IQGAP1: variants seen among roughly 807,000 people sequenced by gnomAD.
The protein encoded by IQGAP1 is IQ motif containing GTPase activating protein 1.
In IQGAP1, 66 loss-of-function variants were observed where a neutral mutation model predicts 215.6. The observed-to-expected ratio is 0.31, with a 90% confidence interval of 0.25 to 0.38. The LOEUF is 0.38. IQGAP1 is among the 10% of genes least tolerant of loss of function. IQGAP1 has a pLI of 1.00. For missense variants in IQGAP1, 1,712 were observed against 1,997.1 expected (o/e 0.86, Z 2.72); for synonymous variants, 772 against 728.7 (o/e 1.06, Z -0.96).
rs368181848 is a variant in IQGAP1, at chr15:90,388,386, G to A, written c.45G>A (p.Pro15=). ...TTGACGGGCTGGGCGTGGCCCGGCCGCACTATGGCTGTGAGTGCGGGGCTC... is the reference window on the plus strand; with the variant it reads ...TTGACGGGCTGGGCGTGGCCCGGCCACACTATGGCTGTGAGTGCGGGGCTC... ...DEVDGLGVAR[P]HYGSVLDNER... is the part of the protein sequence containing the mutation. The change falls in exon 1 of 38, where the codon CCG becomes CCA. Residue 15 remains proline (P), a synonymous_variant. Coordinates refer to ENST00000268182, the MANE Select transcript of IQGAP1 (RefSeq NM_003870.4). The A allele has an allele frequency of 6.3e-7, 1 of 1,587,312 alleles. No homozygotes were observed. Among genetic ancestry groups the A allele is most frequent in the Non-Finnish European group, 8.6e-7 (1 of 1,169,014 alleles).
chr15:90,414,174 G>A (rs1224232704), intron 2 of IQGAP1, among the ~76,000 whole-genome samples: 1 of 152,010 alleles, frequency 6.6e-6, no homozygotes, highest in Non-Finnish European at 1.5e-5. Context: ...AAAGAAGTTG[G>A]CTGGGTGCAG....
At chr15:90,448,533 T>G in intron 9 of IQGAP1, 40 bp from the exon 10 acceptor site, 2 of 1,522,702 alleles carry the variant, frequency 1.3e-6, no homozygotes. Flanking sequence ...GCTCTTCTGT[T>G]AACATAGTCC....
chr15:90,494,939 A>AT (rs1437108631), intron 36 of IQGAP1, 104 bp downstream of exon 36: 2 of 743,894 alleles, frequency 2.7e-6, no homozygotes, highest in African/African-American at 1.8e-5. Flanking sequence ...TACTTTTAGT[A>AT]TTTTTTATGT....
chr15:90,495,920 ATTATG>A (rs1966266209), intron 36 of IQGAP1, among the ~76,000 whole-genome samples: 5 of 149,000 alleles, frequency 3.4e-5, no homozygotes. Flanking sequence ...GGCCTTTATT[ATTATG>A]TTATTATTAT....
At chr15:90,422,377 T>C (rs1965148816) in intron 2 of IQGAP1, among the ~76,000 whole-genome samples, 1 of 152,016 alleles carries the variant, frequency 6.6e-6, no homozygotes, top group Admixed American at 6.6e-5. Flanking sequence ...GAGTTGTACT[T>C]CTAAGGACCT....
intron 35 of IQGAP1, among the ~76,000 whole-genome samples, chr15:90,493,318 G>A (rs577587547): frequency 2.2e-4 from 34 of 152,054 alleles, no homozygotes; most frequent in Non-Finnish European, 4.9e-4. Flanking sequence ...ATCACTTAAG[G>A]AATATTATAC....
chr15:90,396,769 A>G (rs1964726287), intron 2 of IQGAP1, among the ~76,000 whole-genome samples: 1 of 152,088 alleles, frequency 6.6e-6, no homozygotes, highest in South Asian at 2.1e-4. Flanking sequence ...GTATTGTAAC[A>G]CTGTTGCAAA....
At chr15:90,446,315 A>ATAT (rs574671122) in intron 9 of IQGAP1, among the ~76,000 whole-genome samples, 4 of 152,208 alleles carry the variant, frequency 2.6e-5, no homozygotes, top group Non-Finnish European at 4.4e-5. Context: ...TGTCCTATTC[A>ATAT]TATTATTATT....
At chr15:90,411,452 T>A (rs534212845) in intron 2 of IQGAP1, among the ~76,000 whole-genome samples, 2 of 152,252 alleles carry the variant, frequency 1.3e-5, no homozygotes, top group South Asian at 4.1e-4. Context: ...GGCAGTACTG[T>A]GTTCTTAATG....
At chr15:90,409,228 A>G (rs1424016465) in intron 2 of IQGAP1, among the ~76,000 whole-genome samples, 2 of 135,894 alleles carry the variant, frequency 1.5e-5, no homozygotes, top group Admixed American at 1.5e-4. Flanking sequence ...AAAATTTCCT[A>G]TATTCACTTT....
intron 26 of IQGAP1, among the ~76,000 whole-genome samples, chr15:90,481,361 G>A (rs1013287569): frequency 3.4e-4 from 49 of 145,126 alleles, no homozygotes; most frequent in Non-Finnish European, 6.3e-4. Context: ...ATGCTAGCAT[G>A]TGCTGCTGTG....
chr15:90,445,272 G>A (rs932391987), intron 9 of IQGAP1, among the ~76,000 whole-genome samples: 3 of 151,784 alleles, frequency 2.0e-5, no homozygotes, highest in Non-Finnish European at 4.4e-5. Context: ...ACGAGATAGT[G>A]TATGTAAATT....
At chr15:90,406,574 G>A (rs917042195) in intron 2 of IQGAP1, among the ~76,000 whole-genome samples, 2 of 152,226 alleles carry the variant, frequency 1.3e-5, no homozygotes, top group Non-Finnish European at 2.9e-5. Context: ...ATGAGTTTAC[G>A]TTACGAATCG....
intron 33 of IQGAP1, among the ~76,000 whole-genome samples, chr15:90,488,786 TG>T (rs1966164395): frequency 6.6e-6 from 1 of 152,092 alleles, no homozygotes; most frequent in African/African-American, 2.4e-5. Context: ...AGGAGAGCGA[TG>T]TGAACAAAGG....
chr15:90,476,648 G>A lies in IQGAP1; in HGVS notation c.2785-15G>A, dbSNP rs757527179. The A allele has an allele frequency of 3.2e-6, 5 of 1,556,676 alleles. No individual in the cohort carries two copies. Among genetic ancestry groups the A allele is most frequent in the Non-Finnish European group, 4.3e-6 (5 of 1,156,594 alleles). Reference sequence around the variant, plus strand: ...TTGAAAGCTTTCTGATCTATTTATTGGTTTTTGTTTATAGGATGTGGTTTC... The same window carrying A: ...TTGAAAGCTTTCTGATCTATTTATTAGTTTTTGTTTATAGGATGTGGTTTC... On this transcript the variant is annotated splice_polypyrimidine_tract_variant and intron_variant, in intron 23 of 37. Coordinates refer to ENST00000268182, the MANE Select transcript of IQGAP1 (RefSeq NM_003870.4).
chr15:90,472,747 G>T, intron 18 of IQGAP1, 93 bp from the exon 19 acceptor site: 1 of 1,153,092 alleles, frequency 8.7e-7, no homozygotes, highest in South Asian at 1.5e-5. Context: ...GGAAGCAGGA[G>T]GTGTTAGCTT....
In IQGAP1 at chr15:90,482,086, T is replaced by C. The variant is rs747036271; in HGVS notation, c.3456T>C (p.Ser1152=). Residue 1152 remains serine, a synonymous_variant, in exon 27 of 38, where the codon TCT becomes TCC. Coordinates refer to ENST00000268182, the MANE Select transcript of IQGAP1 (RefSeq NM_003870.4). The part of the protein sequence containing the change: ...TDKFLSAIVS[S]VDKIPYGMRF... ...AGTTTCTCTCAGCCATTGTCAGCTC[T>C]GTGGACAAAATCCCGTGAGTGCCAT... The C allele has an allele frequency of 6.2e-7, 1 of 1,614,118 alleles. No homozygotes were observed. Among genetic ancestry groups the C allele is most frequent in the East Asian group, 2.2e-5 (1 of 44,906 alleles).
intron 15 of IQGAP1, among the ~76,000 whole-genome samples, chr15:90,459,301 T>A (rs1392064000): frequency 6.6e-6 from 1 of 152,260 alleles, no homozygotes; most frequent in Admixed American, 6.5e-5. Context: ...GGCATAAACC[T>A]TGTCAATTTC....
intron 26 of IQGAP1, among the ~76,000 whole-genome samples, chr15:90,481,589 T>G (rs963066170): frequency 2.0e-5 from 3 of 152,188 alleles, no homozygotes; most frequent in Non-Finnish European, 4.4e-5. Flanking sequence ...CTTTTTCCAT[T>G]CTGAGTTGAA....
Sources: gnomAD v4.1 joint callset for allele counts (sites outside exome capture counted in the v4.1 genomes callset) on GRCh38, gnomAD v4.1.1 for gene constraint, MANE v1.5 for transcripts, NCBI Gene and HGNC (gene_info 2026-07-23, HGNC 2026-07-21) for gene names.